Variants in PDE4D observed in about 807,000 individuals in gnomAD.
The protein encoded by PDE4D is phosphodiesterase 4D, also known as 3',5'-cyclic-AMP phosphodiesterase 4D.
PDE4D carries 24 observed loss-of-function variants against 87.4 expected under a neutral mutation model. The observed-to-expected ratio is 0.27, with a 90% confidence interval of 0.20 to 0.39. The LOEUF is 0.39. Ranked by LOEUF, PDE4D falls within the 10% of genes least tolerant of loss-of-function variation. The pLI is 1.00. For synonymous variants in PDE4D, 384 were observed against 383.2 expected, an observed-to-expected ratio of 1.00 and a Z score of -0.02; for missense variants, 714 against 1,041.0, an observed-to-expected ratio of 0.69 and a Z score of 4.32.
intron 1 of PDE4D, among the ~76,000 whole-genome samples, chr5:59,475,613 G>A (rs889791353): frequency 6.6e-6 from 1 of 151,992 alleles, no homozygotes; most frequent in African/African-American, 2.4e-5. Flanking sequence ...AAAGGGGCTG[G>A]GGGCTCTCAG....
chr5:59,480,887 C>T (rs961557159), intron 1 of PDE4D, among the ~76,000 whole-genome samples: 3 of 152,098 alleles, frequency 2.0e-5, no homozygotes, highest in African/African-American at 7.2e-5. Flanking sequence ...ATTCTCCTCC[C>T]TTGAAATGGA....
intron 1 of PDE4D, among the ~76,000 whole-genome samples, chr5:59,759,678 G>A (rs144248777): frequency 8.5e-5 from 13 of 152,284 alleles, no homozygotes; most frequent in Non-Finnish European, 1.6e-4. Flanking sequence ...GATTTCCACA[G>A]AGGGCAACAG....
intron 2 of PDE4D, among the ~76,000 whole-genome samples, chr5:60,149,680 T>C (rs1781322412): frequency 6.6e-6 from 1 of 151,868 alleles, no homozygotes; most frequent in Non-Finnish European, 1.5e-5. Context: ...CTGGTATCAT[T>C]TAATGAAAGA....
chr5:59,846,327 C>T (rs1193021862), intron 1 of PDE4D, among the ~76,000 whole-genome samples: 6 of 152,004 alleles, frequency 3.9e-5, no homozygotes, highest in Admixed American at 2.6e-4. Context: ...TCAGTTCCCT[C>T]TAATTGGGTC....
chr5:60,150,504 G>A (rs1219246869), intron 2 of PDE4D, among the ~76,000 whole-genome samples: 2 of 151,896 alleles, frequency 1.3e-5, no homozygotes, highest in African/African-American at 2.4e-5. Context: ...AAGATAAATA[G>A]GTAATTTTTG....
chr5:60,161,520 A>G (rs1194265237), intron 2 of PDE4D, among the ~76,000 whole-genome samples: 2 of 152,048 alleles, frequency 1.3e-5, no homozygotes, highest in Admixed American at 6.6e-5. Flanking sequence ...CGGTCTTCCT[A>G]CTCTTCAACT....
At chr5:59,668,456 C>G (rs1163671648) in intron 1 of PDE4D, among the ~76,000 whole-genome samples, 1 of 152,096 alleles carries the variant, frequency 6.6e-6, no homozygotes, top group Non-Finnish European at 1.5e-5. Context: ...ATGCCTGTAA[C>G]TCCAGAACTT....
At chr5:59,329,797 T>G (rs1489118265) in intron 1 of PDE4D, among the ~76,000 whole-genome samples, 2 of 152,196 alleles carry the variant, frequency 1.3e-5, no homozygotes, top group Non-Finnish European at 2.9e-5. Context: ...ATAGAATAAA[T>G]GAATATCTGA....
chr5:59,046,613 G>A (rs1034675773), intron 5 of PDE4D, among the ~76,000 whole-genome samples: 2 of 152,018 alleles, frequency 1.3e-5, no homozygotes, highest in Non-Finnish European at 2.9e-5. Flanking sequence ...ACTCCAACCC[G>A]TGCATTTTCC....
At chr5:60,517,702 G>T (rs984415413) in intron 1 of PDE4D, among the ~76,000 whole-genome samples, 1 of 152,180 alleles carries the variant, frequency 6.6e-6, no homozygotes, top group African/African-American at 2.4e-5. Flanking sequence ...CTGCAGAGAG[G>T]AGCTACCCAC....
chr5:59,951,942 CT>C (rs1758334797), intron 3 of PDE4D, among the ~76,000 whole-genome samples: 1 of 152,138 alleles, frequency 6.6e-6, no homozygotes, highest in African/African-American at 2.4e-5. Context: ...CTCACTTCTC[CT>C]TTCTCTGTCC....
At chr5:59,596,910 G>A (rs1018773754) in intron 1 of PDE4D, among the ~76,000 whole-genome samples, 2 of 152,086 alleles carry the variant, frequency 1.3e-5, no homozygotes, top group Admixed American at 1.3e-4. Flanking sequence ...ACCATTTTGG[G>A]TTCAGTGCAA....
At chr5:60,161,428 G>A (rs570634825) in intron 2 of PDE4D, among the ~76,000 whole-genome samples, 1 of 152,122 alleles carries the variant, frequency 6.6e-6, no homozygotes, top group South Asian at 2.1e-4. Context: ...CTATATAAAA[G>A]GAAGTCTATT....
At chr5:60,323,862 G>GC (rs1756533819) in intron 1 of PDE4D, among the ~76,000 whole-genome samples, 1 of 140,300 alleles carries the variant, frequency 7.1e-6, no homozygotes, top group African/African-American at 3.3e-5. Flanking sequence ...TGTCTCCTCT[G>GC]CCCCCTGCTC....
At chr5:59,996,476 C>A (rs1456148365) in intron 2 of PDE4D, among the ~76,000 whole-genome samples, 5 of 152,154 alleles carry the variant, frequency 3.3e-5, no homozygotes, top group Non-Finnish European at 7.4e-5. Flanking sequence ...GTCATATTTG[C>A]AATCTTAACA....
chr5:58,995,457 C>G (rs796423259), intron 6 of PDE4D, among the ~76,000 whole-genome samples: 1 of 152,230 alleles, frequency 6.6e-6, no homozygotes, highest in African/African-American at 2.4e-5. Flanking sequence ...TATTTGTAGA[C>G]ATTTATAATA....
chr5:60,089,316 A>G (rs1774858601), intron 2 of PDE4D, among the ~76,000 whole-genome samples: 1 of 152,190 alleles, frequency 6.6e-6, no homozygotes, highest in Non-Finnish European at 1.5e-5. Context: ...TAAAAAGTCA[A>G]AAAAGTCAAA....
intron 2 of PDE4D, among the ~76,000 whole-genome samples, chr5:60,165,853 G>T (rs1454592933): frequency 4.0e-5 from 6 of 151,636 alleles, no homozygotes; most frequent in African/African-American, 1.2e-4. Flanking sequence ...TTTGATTGCA[G>T]AATTTAATCC....
In PDE4D at chr5:59,978,167, G is replaced by A. The variant is rs144379882; in HGVS notation, c.272+10321C>T. ...TCCAAGGAGTCATTTCAACTTTTAA[G>A]CCTTATTATTTAAGAAATACATTTC... On this transcript the variant is annotated intron_variant, in intron 3 of 16. Coordinates refer to the PDE4D transcript ENST00000502484. 1.7e-3 allele frequency among the ~76,000 whole-genome samples: 257 copies of A among 152,192 alleles called. 1 individual carries two copies. The highest frequency in any genetic ancestry group is 5.8e-3 in the African/African-American group (242 of 41,532).
Sources: allele counts gnomAD v4.1 joint callset (sites outside exome capture counted in the v4.1 genomes callset), GRCh38; gene constraint gnomAD v4.1.1; transcripts MANE v1.5; gene names NCBI Gene and HGNC (gene_info 2026-07-23, HGNC 2026-07-21).